The following DKK3 variants were observed in gnomAD, a reference collection of about 807,000 sequenced individuals.
The protein encoded by DKK3 is dickkopf Wnt signaling pathway inhibitor 3, also known as dickkopf-related protein 3.
DKK3 carries 22 observed loss-of-function variants against 33.2 expected under a neutral mutation model. The observed-to-expected ratio is 0.66, with a 90% CI of 0.47 to 0.95. The LOEUF (loss-of-function observed/expected upper bound fraction) is 0.95. Among genes scored for constraint, DKK3 ranks in the 40% least tolerant of loss-of-function variants. The pLI is 0.00. For synonymous variants in DKK3, 194 were observed against 188.8 expected (o/e 1.03, Z -0.23); for missense variants, 398 against 458.4 (o/e 0.87, Z 1.20).
intron 3 of DKK3, among the ~76,000 whole-genome samples, chr11:11,978,032 C>T (rs1391644539): frequency 6.6e-6 from 1 of 152,134 alleles, no homozygotes; most frequent in Non-Finnish European, 1.5e-5. Context: ...ATACAGTATG[C>T]CTCAATTATT....
At chr11:12,004,887 C>T (rs1317691408) in intron 1 of DKK3, among the ~76,000 whole-genome samples, 1 of 152,068 alleles carries the variant, frequency 6.6e-6, no homozygotes, top group Non-Finnish European at 1.5e-5. Flanking sequence ...GAAGAGCAAA[C>T]GTTGATATCA....
chr11:11,965,236 G>A (rs1341747300), intron 6 of DKK3, among the ~76,000 whole-genome samples: 1 of 152,244 alleles, frequency 6.6e-6, no homozygotes, highest in Non-Finnish European at 1.5e-5. Context: ...GATTACAGGT[G>A]TGAGCCACTG....
rs527335401 is a variant in DKK3 at position 11,974,529 on chromosome 11, G to T, written c.436-6042C>A. ...CCACAAGAAAGGGCAAGAGAAAAGG[G>T]GACCAAACTTGCCCTTTTATAAGAA... On this transcript the variant is annotated intron_variant, in intron 3 of 6. Coordinates refer to ENST00000683431, the MANE Select transcript of DKK3 (RefSeq NM_001018057.2). Among the ~76,000 whole-genome samples the T allele has an allele frequency of 6.6e-5, 10 of 152,072 alleles. No homozygotes were observed. The South Asian group carries it at 1.9e-3, about 28-fold the overall frequency.
In DKK3 at chr11:11,968,492, G is replaced by A. The variant is rs1283139806; in HGVS notation, c.436-5C>T. The A allele has an allele frequency of 1.2e-6, 2 of 1,612,620 alleles. No individual in the cohort carries two copies. The highest frequency in any genetic ancestry group is 1.3e-5 in the African/African-American group (1 of 74,874). ...GTCCTCGTCGATGATGCACTCCTGG[G>A]GAAGGGCACAGGGAGCAGATGTGTC... On this transcript the variant is annotated splice_region_variant and splice_polypyrimidine_tract_variant and intron_variant, in intron 3 of 6. Transcript: ENST00000683431.
intron 1 of DKK3, 86 bp from the exon 2 acceptor site, chr11:12,002,523 C>A (rs1356383880): frequency 2.1e-6 from 3 of 1,426,064 alleles, no homozygotes; most frequent in Non-Finnish European, 2.9e-6. Flanking sequence ...CTCTTTTCCT[C>A]TTCTGCAATT....
chr11:11,998,415 G>C, intron 3 of DKK3: 1 of 526,422 alleles, frequency 1.9e-6, no homozygotes. Flanking sequence ...CAACATGTCT[G>C]GTACTTGCTT....
chr11:11,993,452 AT>A (rs1848227274), intron 3 of DKK3, among the ~76,000 whole-genome samples: 1 of 152,040 alleles, frequency 6.6e-6, no homozygotes, highest in Non-Finnish European at 1.5e-5. Flanking sequence ...AAGTATTTTG[AT>A]TTTAGATGTG....
At chr11:11,990,066 T>G (rs1260933892) in intron 3 of DKK3, among the ~76,000 whole-genome samples, 1 of 152,198 alleles carries the variant, frequency 6.6e-6, no homozygotes, top group South Asian at 2.1e-4. Flanking sequence ...TTTTTTGGAA[T>G]GATGCCAACA....
chr11:11,998,848 G>A, intron 2 of DKK3, 69 bp from the exon 3 acceptor site: 1 of 1,474,018 alleles, frequency 6.8e-7, no homozygotes, highest in Non-Finnish European at 9.5e-7. Flanking sequence ...AGTTGTTTTT[G>A]TGTTTTGTTT....
chr11:11,985,011 T>C (rs1366166111), intron 3 of DKK3, among the ~76,000 whole-genome samples: 1 of 152,204 alleles, frequency 6.6e-6, no homozygotes, highest in East Asian at 1.9e-4. Flanking sequence ...TGGAAAAACA[T>C]ATGCTTTGAC....
chr11:11,968,529 G>A, intron 3 of DKK3, 42 bp from the exon 4 acceptor site: 3 of 1,582,532 alleles, frequency 1.9e-6, no homozygotes, highest in Non-Finnish European at 2.6e-6. Flanking sequence ...ATGGAGAGCA[G>A]AGCAGCAGGC....
upstream of DKK3, chr11:12,008,895 G>A: frequency 9.1e-7 from 1 of 1,103,478 alleles, no homozygotes; most frequent in Non-Finnish European, 1.1e-6. The surrounding 1 kb of genome is among the most constrained non-coding windows in gnomAD (Gnocchi z 4.6). Context: ...CCTCGCCAGA[G>A]CAACCGAACC....
chr11:11,966,308 C>A (rs1298606820), intron 5 of DKK3, among the ~76,000 whole-genome samples: 1 of 152,102 alleles, frequency 6.6e-6, no homozygotes, highest in Admixed American at 6.6e-5. Context: ...AATGTCAGGG[C>A]CGGTGAAATT....
chr11:11,989,723 T>C (rs12274194), intron 3 of DKK3, among the ~76,000 whole-genome samples: 51,532 of 152,152 alleles, frequency 0.34, 9,162 homozygotes, highest in African/African-American at 0.4. Flanking sequence ...TTTTATATTA[T>C]ATACATTTTA....
chr11:11,997,815 A>G (rs1004813923), intron 3 of DKK3, among the ~76,000 whole-genome samples: 3 of 152,012 alleles, frequency 2.0e-5, no homozygotes, highest in Non-Finnish European at 2.9e-5. Context: ...AGACAACACC[A>G]CCTTCCTAAC....
At chr11:11,993,968 C>T (rs1848239138) in intron 3 of DKK3, among the ~76,000 whole-genome samples, 1 of 152,226 alleles carries the variant, frequency 6.6e-6, no homozygotes, top group Admixed American at 6.5e-5. Flanking sequence ...CAATCCTCAA[C>T]CTAGACATAT....
At chr11:11,986,278 C>T (rs1359653857) in intron 3 of DKK3, among the ~76,000 whole-genome samples, 3 of 152,156 alleles carry the variant, frequency 2.0e-5, no homozygotes, top group East Asian at 1.9e-4. Flanking sequence ...TTCCACATCG[C>T]ATCACTGAAA....
chr11:12,005,671 A>G (rs889475492), intron 1 of DKK3, among the ~76,000 whole-genome samples: 1 of 152,212 alleles, frequency 6.6e-6, no homozygotes, highest in African/African-American at 2.4e-5. Flanking sequence ...AATGCCAGGA[A>G]GTTACTTGAA....
intron 3 of DKK3, among the ~76,000 whole-genome samples, chr11:11,973,832 C>G (rs2135013296): frequency 6.6e-6 from 1 of 152,330 alleles, no homozygotes; most frequent in Non-Finnish European, 1.5e-5. Flanking sequence ...GAGAGAGGCT[C>G]TGAGTGAGCA....
Sources: allele counts gnomAD v4.1 joint callset (sites outside exome capture counted in the v4.1 genomes callset), GRCh38; gene constraint gnomAD v4.1.1; non-coding constraint Gnocchi (gnomAD v3.1); transcripts MANE v1.5; gene names NCBI Gene and HGNC (gene_info 2026-07-23, HGNC 2026-07-21).